PEPD: variants seen among roughly 807,000 people sequenced by gnomAD.
The protein encoded by PEPD is peptidase D.
PEPD carries 53 observed loss-of-function variants against 60.7 expected under a neutral mutation model. That is an observed-to-expected ratio of 0.87 (90% CI 0.70 to 1.10). The LOEUF is 1.10. Ranked by LOEUF, PEPD falls within the 50% of genes least tolerant of loss-of-function variation. PEPD has a pLI of 0.00. For synonymous variants in PEPD, 267 were observed against 284.1 expected, an observed-to-expected ratio of 0.94 and a Z score of 0.60; for missense variants, 711 against 711.9, an observed-to-expected ratio of 1.00 and a Z score of 0.01.
chr19:33,514,639 C>T (rs771940643), intron 1 of PEPD, among the ~76,000 whole-genome samples: 42 of 151,822 alleles, frequency 2.8e-4, no homozygotes, highest in Non-Finnish European at 5.1e-4. Context: ...ACTGAGCCAA[C>T]GACAGGCACA....
intron 11 of PEPD, among the ~76,000 whole-genome samples, chr19:33,404,109 G>A (rs1381954476): frequency 6.6e-6 from 1 of 152,250 alleles, no homozygotes; most frequent in Non-Finnish European, 1.5e-5. Context: ...CCTGGCGGCA[G>A]TGCTCAACCT....
chr19:33,408,769 C>T (rs1968698216), intron 11 of PEPD, among the ~76,000 whole-genome samples: 1 of 152,164 alleles, frequency 6.6e-6, no homozygotes, highest in Non-Finnish European at 1.5e-5. Context: ...AGTTTCATAC[C>T]TTAGGATGAA....
intron 9 of PEPD, among the ~76,000 whole-genome samples, chr19:33,452,946 C>G (rs1350981538): frequency 6.6e-6 from 1 of 152,098 alleles, no homozygotes; most frequent in African/African-American, 2.4e-5. Context: ...ACCTTGGTCT[C>G]AAAATATGGC....
At chr19:33,479,550 T>C (rs1269884402) in intron 6 of PEPD, among the ~76,000 whole-genome samples, 1 of 152,196 alleles carries the variant, frequency 6.6e-6, no homozygotes, top group East Asian at 1.9e-4. Context: ...TTGCTATTTT[T>C]CCTGATCCTC....
chr19:33,388,616 T>C (rs1288132099), intron 13 of PEPD: 8 of 215,186 alleles, frequency 3.7e-5, no homozygotes, highest in Non-Finnish European at 2.9e-5. Flanking sequence ...GGTGCCGTCA[T>C]CAGGGTGGGT....
intron 4 of PEPD, among the ~76,000 whole-genome samples, chr19:33,496,003 A>T (rs990095114): frequency 2.0e-5 from 3 of 149,924 alleles, no homozygotes; most frequent in African/African-American, 7.4e-5. Flanking sequence ...ACAAAAAAAA[A>T]CACCCAAAAG....
intron 7 of PEPD, among the ~76,000 whole-genome samples, chr19:33,464,647 G>A (rs1431429598): frequency 6.6e-6 from 1 of 152,184 alleles, no homozygotes; most frequent in Non-Finnish European, 1.5e-5. Context: ...CAGAGAAGAG[G>A]GAGGCAGCCA....
intron 6 of PEPD, among the ~76,000 whole-genome samples, chr19:33,482,613 A>G (rs148043029): frequency 5.1e-4 from 78 of 152,358 alleles, no homozygotes; most frequent in African/African-American, 1.9e-3. Flanking sequence ...ACAGGCAAGA[A>G]AAGACATGAA....
rs1454593698 is a variant in PEPD at position 33,512,796 on chromosome 19, C to A, written c.18-20G>T. ...GAGGGTCTGCAGAGGCAAGAGCACA[C>A]ACCGCCACACAGGCCTCTGTTAGCA... On this transcript the variant is annotated intron_variant, in intron 1 of 14. Transcript: ENST00000244137. 1.2e-6 allele frequency: 2 copies of A among 1,613,308 alleles called. No individual in the cohort carries two copies. The highest frequency in any genetic ancestry group is 2.7e-5 in the African/African-American group (2 of 74,922).
At chr19:33,426,095 C>T (rs1450130829) in intron 9 of PEPD, among the ~76,000 whole-genome samples, 1 of 152,218 alleles carries the variant, frequency 6.6e-6, no homozygotes, top group Non-Finnish European at 1.5e-5. Context: ...GCTGGGATTA[C>T]AGGTGTGAGC....
At chr19:33,503,442 G>GA (rs1970746755) in intron 3 of PEPD, among the ~76,000 whole-genome samples, 1 of 152,192 alleles carries the variant, frequency 6.6e-6, no homozygotes, top group Non-Finnish European at 1.5e-5. Context: ...GCCAAGGTCT[G>GA]ACACCTCCAT....
intron 7 of PEPD, among the ~76,000 whole-genome samples, chr19:33,466,954 A>G (rs914680614): frequency 7.9e-5 from 12 of 151,796 alleles, no homozygotes; most frequent in East Asian, 1.9e-4. Flanking sequence ...TCAGGAGATC[A>G]AGACTATCCT....
At chr19:33,521,629 G>A in intron 1 of PEPD, 115 bp downstream of exon 1, 1 of 1,144,880 alleles carries the variant, frequency 8.7e-7, no homozygotes, top group Non-Finnish European at 1.3e-6. Flanking sequence ...ACGGGAAGAG[G>A]CGCCTACCCG....
intron 6 of PEPD, among the ~76,000 whole-genome samples, 173 bp from the exon 7 acceptor site, chr19:33,478,263 C>CA (rs1320571634): frequency 6.6e-6 from 1 of 152,190 alleles, no homozygotes; most frequent in African/African-American, 2.4e-5. Context: ...GCAGACCTGG[C>CA]AGCCTGGGCC....
chr19:33,477,091 C>T (rs1237263332), intron 7 of PEPD: 1 of 152,544 alleles, frequency 6.6e-6, no homozygotes, highest in African/African-American at 2.4e-5. Flanking sequence ...CAGCCACTGC[C>T]TGTCTCTCCA....
chr19:33,457,862 A>AACAGAAAAAG (rs1311371124), intron 9 of PEPD, among the ~76,000 whole-genome samples: 1 of 152,122 alleles, frequency 6.6e-6, no homozygotes. Context: ...AGCAAACAAA[A>AACAGAAAAAG]AGAGAAAAAA....
At chr19:33,507,294 C>A (rs1008575240) in intron 3 of PEPD, among the ~76,000 whole-genome samples, 1 of 152,178 alleles carries the variant, frequency 6.6e-6, no homozygotes, top group Non-Finnish European at 1.5e-5. Context: ...GCCAAAGCCA[C>A]CCTCCACTAA....
At chr19:33,406,475 G>T (rs937808546) in intron 11 of PEPD, among the ~76,000 whole-genome samples, 2 of 152,244 alleles carry the variant, frequency 1.3e-5, no homozygotes, top group African/African-American at 2.4e-5. Context: ...CCAAGAGCAT[G>T]TCTTTAAGAC....
rs116154517 is a variant in PEPD, at chr19:33,469,159, G to A, written c.549-5097C>T. Among the ~76,000 whole-genome samples, 1,391 of 152,220 alleles carry A rather than the reference G, an allele frequency of 9.1e-3. 22 individuals carry two copies. The highest frequency in any genetic ancestry group is 0.031 in the African/African-American group (1,284 of 41,528). The stretch of plus-strand genomic sequence containing the variant: ...CAACCCCTTACTTTCTCCTGGAGCC[G>A]CCCTCTGCCTTCATTCGGCTTAGAT... On this transcript the variant is annotated intron_variant, in intron 7 of 14. Coordinates refer to ENST00000244137, the MANE Select transcript of PEPD (RefSeq NM_000285.4).
Sources: allele counts gnomAD v4.1 joint callset (sites outside exome capture counted in the v4.1 genomes callset), GRCh38; gene constraint gnomAD v4.1.1; transcripts MANE v1.5; gene names NCBI Gene and HGNC (gene_info 2026-07-23, HGNC 2026-07-21).